Variants in KIF1A observed in about 807,000 individuals in gnomAD.
KIF1A encodes the protein kinesin-like protein KIF1A.
KIF1A carries 46 observed loss-of-function variants against 227.3 expected under a neutral mutation model. The ratio of observed to expected loss-of-function variants is 0.20; its 90% CI spans 0.16 to 0.26. The LOEUF is 0.26. KIF1A is among the 10% of genes least tolerant of loss of function. The pLI is 1.00. For missense variants in KIF1A, 1,683 were observed against 2,485.9 expected (o/e 0.68, Z 6.87); for synonymous variants, 1,022 against 1,012.8 (o/e 1.01, Z -0.17).
intron 6 of KIF1A, among the ~76,000 whole-genome samples, chr2:240,785,478 G>A (rs1054200390): frequency 1.3e-5 from 2 of 152,196 alleles, no homozygotes; most frequent in East Asian, 1.9e-4. Context: ...GCCCACACCC[G>A]CGGCTCTGGG....
chr2:240,721,665 A>T, intron 44 of KIF1A, 142 bp downstream of exon 44: 1 of 704,634 alleles, frequency 1.4e-6, no homozygotes, highest in Non-Finnish European at 2.4e-6. Context: ...CTTAGGTATG[A>T]GGTGTCCCTC....
Position 240,742,988 on chromosome 2 carries a change from T to C in KIF1A, c.3585-4A>G, listed in dbSNP as rs755269372. ...GCGGCGCGAGGGCCTCAGGGGGCTG[T>C]GGAGAAAGGACCAGTGTGAGGTGTT... On this transcript the variant is annotated splice_region_variant and splice_polypyrimidine_tract_variant and intron_variant, in intron 33 of 48. Coordinates refer to ENST00000498729, the MANE Select transcript of KIF1A (RefSeq NM_001244008.2). The C allele has an allele frequency of 1.1e-5, 18 of 1,606,788 alleles. No individual in the cohort carries two copies. Among genetic ancestry groups the C allele is most frequent in the Non-Finnish European group, 1.4e-5 (17 of 1,176,200 alleles).
chr2:240,784,169 C>A (rs910316351), intron 7 of KIF1A, among the ~76,000 whole-genome samples: 1 of 152,314 alleles, frequency 6.6e-6, no homozygotes. Context: ...GCTCAGTGTC[C>A]GTGGTTGGAT....
intron 37 of KIF1A, among the ~76,000 whole-genome samples, chr2:240,738,253 G>A (rs562049686): frequency 7.2e-5 from 11 of 152,338 alleles, no homozygotes; most frequent in Admixed American, 1.3e-4. Context: ...CCATGAGCCC[G>A]CTGGTCTGGA....
At chr2:240,730,663 G>A (rs995918649) in intron 38 of KIF1A, among the ~76,000 whole-genome samples, 3 of 152,332 alleles carry the variant, frequency 2.0e-5, no homozygotes, top group South Asian at 2.1e-4. Flanking sequence ...GACTTGATCC[G>A]ATGTGAACAC....
At position 240,745,507 on chromosome 2, in the gene KIF1A, G is replaced by A. The variant is rs774779281; in HGVS notation, c.3385C>T (p.Arg1129Cys). 8 of 1,610,982 alleles carry A rather than the reference G, an allele frequency of 5.0e-6. No individual in the cohort carries two copies. Among genetic ancestry groups the A allele is most frequent in the African/African-American group, 2.7e-5 (2 of 74,874 alleles). The change falls in exon 32 of 49, where the codon CGC (arginine) becomes TGC (cysteine). Residue 1129 changes from arginine (R) to cysteine (C), a missense_variant. Arg to Cys is a radical substitution (Grantham distance 180). This residue lies in a region of KIF1A where 759 missense variants were observed against 1,020.2 expected (regional missense o/e 0.74). Coordinates refer to ENST00000498729, the MANE Select transcript of KIF1A (RefSeq NM_001244008.2). ...DIFCQFNFIHRHDEAFSTEPL... is the reference protein window; with the variant it reads ...DIFCQFNFIHCHDEAFSTEPL... ...TCTGTGGAGAAGGCCTCGTCGTGGC[G>A]GTGGATGAAGCTGCAAAGCAGAGGA...
At chr2:240,765,946 T>A (rs2051116692) in intron 19 of KIF1A, among the ~76,000 whole-genome samples, 153 bp from the exon 20 acceptor site, 1 of 152,240 alleles carries the variant, frequency 6.6e-6, no homozygotes, top group African/African-American at 2.4e-5. Context: ...AACACTCATT[T>A]GGGCCTCAGA....
At position 240,761,359 on chromosome 2, in the gene KIF1A, T is replaced by G. The variant is rs764191829; in HGVS notation, c.2135A>C (p.Glu712Ala). 10 of 1,609,908 alleles carry G rather than the reference T, an allele frequency of 6.2e-6. No homozygotes were observed. The highest frequency in any genetic ancestry group is 6.8e-6 in the Non-Finnish European group (8 of 1,177,492). ...GAAGGCCCAGAGCGCCAGCTCACAC[T>G]CCCGCTCTGTCCACTGGACTGTGGG... is the stretch of plus-strand genomic sequence containing the variant. ...PEDEVQWTER[E>A]CELALWAFRK... is the part of the protein sequence containing the mutation. The change falls in exon 24 of 49, where the codon GAG (glutamate) becomes GCG (alanine). Residue 712 changes from glutamate to alanine, a missense_variant. Physicochemically the swap from Glu to Ala is moderately radical, Grantham distance 107 (BLOSUM62 -1). Around this residue, in one of 12 missense-constraint regions of KIF1A, gnomAD observed 217 missense variants for 427.0 expected, o/e 0.51. Transcript: ENST00000498729.
chr2:240,780,847 T>C (rs1297580573), intron 10 of KIF1A, among the ~76,000 whole-genome samples: 27 of 5,838 alleles, frequency 4.6e-3, no homozygotes, highest in Non-Finnish European at 6.5e-3. Context: ...CACACACAGC[T>C]CCACACACAC....
intron 32 of KIF1A, among the ~76,000 whole-genome samples, 163 bp from the exon 33 acceptor site, chr2:240,744,223 C>G (rs2048332078): frequency 6.6e-6 from 1 of 152,204 alleles, no homozygotes; most frequent in African/African-American, 2.4e-5. Context: ...CCCTTCAGCC[C>G]AGCCCCTCCT....
At chr2:240,720,038 C>T (rs923205412) in intron 45 of KIF1A, 112 bp from the exon 46 acceptor site, 160 of 1,083,876 alleles carry the variant, frequency 1.5e-4, no homozygotes, top group Admixed American at 3.2e-4. Context: ...AGGGCACCTT[C>T]GCAGGGTCTC....
rs2050055539 is a variant in KIF1A, at chr2:240,757,845, G to A, written c.2583-251C>T. Among the ~76,000 whole-genome samples the A allele has an allele frequency of 6.6e-6, 1 of 152,232 alleles. No individual in the cohort carries two copies. The highest frequency in any genetic ancestry group is 1.5e-5 in the Non-Finnish European group (1 of 68,044). On this transcript the variant is annotated intron_variant, in intron 26 of 48. Coordinates refer to ENST00000498729, the MANE Select transcript of KIF1A (RefSeq NM_001244008.2). This position sits in a 1 kb window ranked among gnomAD's most constrained non-coding sequence, Gnocchi z 6.2. ...CCTGCAGGTGGGACTGAGAACAGGGGTCTCGGCTGGGAGTGGCTGAGGCCA... is the reference window on the plus strand; with the variant it reads ...CCTGCAGGTGGGACTGAGAACAGGGATCTCGGCTGGGAGTGGCTGAGGCCA...
chr2:240,761,080 C>G (rs1485858600), intron 24 of KIF1A, 149 bp downstream of exon 24: 1 of 1,051,362 alleles, frequency 9.5e-7, no homozygotes, highest in Non-Finnish European at 1.4e-6. Flanking sequence ...CACTGCCCAC[C>G]CTTCTGGGGG....
Position 240,763,309 on chromosome 2 carries a change from C to A in KIF1A, c.1806G>T (p.Arg602=). 1 of 1,597,800 alleles carries A rather than the reference C, an allele frequency of 6.3e-7. No homozygotes were observed. Residue 602 remains arginine, a synonymous_variant, in exon 21 of 49, where the codon CGG becomes CGT. Coordinates refer to ENST00000498729, the MANE Select transcript of KIF1A (RefSeq NM_001244008.2). ...RIIMGKSHVF[R]FNHPEQARQE... Reference sequence around the variant, plus strand: ...GCCGGGCCTGCTCGGGGTGGTTGAACCGGAACACATGGCTCTTACCCATGA... The same window carrying A: ...GCCGGGCCTGCTCGGGGTGGTTGAAACGGAACACATGGCTCTTACCCATGA...
intron 2 of KIF1A, among the ~76,000 whole-genome samples, chr2:240,794,168 G>A (rs555834471): frequency 1.2e-4 from 18 of 152,266 alleles, no homozygotes; most frequent in Non-Finnish European, 2.2e-4. Context: ...CCCTTCCTCC[G>A]TCAGGCTTCC....
intron 41 of KIF1A, 60 bp from the exon 42 acceptor site, chr2:240,723,618 T>C (rs2045660484): frequency 2.7e-6 from 4 of 1,473,104 alleles, no homozygotes; most frequent in African/African-American, 1.4e-5. Flanking sequence ...CTCCCACCCA[T>C]CCTAGAGGTC....
chr2:240,783,158 C>A (rs1480389732), intron 8 of KIF1A, 49 bp from the exon 9 acceptor site: 2 of 1,431,162 alleles, frequency 1.4e-6, no homozygotes, highest in East Asian at 2.3e-5. Context: ...ACCCGTGGGG[C>A]CTCCTGCTCT....
At chr2:240,760,592 C>A in intron 25 of KIF1A, 73 bp downstream of exon 25, 2 of 1,242,110 alleles carry the variant, frequency 1.6e-6, no homozygotes, top group African/African-American at 1.6e-5. Flanking sequence ...CCTGTGCCTA[C>A]CACCGCTCCT....
intron 27 of KIF1A, among the ~76,000 whole-genome samples, chr2:240,755,431 G>C (rs1178311873): frequency 6.6e-6 from 1 of 152,176 alleles, no homozygotes; most frequent in South Asian, 2.1e-4. Context: ...AGCCTTTCCA[G>C]AGGGGACAAG....
Sources: allele counts gnomAD v4.1 joint callset (sites outside exome capture counted in the v4.1 genomes callset), GRCh38; gene constraint gnomAD v4.1.1; regional missense constraint gnomAD v4.1.1; non-coding constraint Gnocchi (gnomAD v3.1); transcripts MANE v1.5; gene names NCBI Gene and HGNC (gene_info 2026-07-23, HGNC 2026-07-21).